The following FRMD5 variants were observed in gnomAD, a reference collection of about 807,000 sequenced individuals.
FRMD5 encodes the protein FERM domain-containing protein 5.
In FRMD5, 20 loss-of-function variants were observed where a neutral mutation model predicts 69.0. The ratio of observed to expected loss-of-function variants is 0.29; its 90% CI spans 0.20 to 0.42. The LOEUF (loss-of-function observed/expected upper bound fraction) is 0.42. Ranked by LOEUF, FRMD5 falls within the 10% of genes least tolerant of loss-of-function variation. The pLI, the probability that FRMD5 is intolerant of heterozygous loss-of-function variation, is 1.00. For synonymous variants in FRMD5, 271 were observed against 260.1 expected (o/e 1.04, Z -0.40); for missense variants, 595 against 708.6 (o/e 0.84, Z 1.82).
Position 43,949,232 on chromosome 15 carries a change from C to A in FRMD5, c.103-24923G>T, listed in dbSNP as rs192531226. Among the ~76,000 whole-genome samples, 41 of 152,332 alleles carry A rather than the reference C, an allele frequency of 2.7e-4. No individual in the cohort carries two copies. In the East Asian group the frequency reaches 5.6e-3, roughly 21 times the overall value. On this transcript the variant is annotated intron_variant, in intron 1 of 13. Transcript: ENST00000417257. The stretch of plus-strand genomic sequence containing the variant: ...AAGCCCCTGCAAGGTTCCCTGACAT[C>A]CCTAGCAGTAACTGTGAGCTTCTTA...
At chr15:43,990,208 C>T (rs574502385) in intron 1 of FRMD5, 50 of 454,418 alleles carry the variant, frequency 1.1e-4, no homozygotes, top group East Asian at 1.0e-3. Flanking sequence ...CGGGTGTGGA[C>T]GGGTGGCAGA....
chr15:44,096,206 C>CAAAAAAA (rs1213347011), intron 1 of FRMD5, among the ~76,000 whole-genome samples: 1 of 47,898 alleles, frequency 2.1e-5, no homozygotes, highest in Non-Finnish European at 4.1e-5. Flanking sequence ...AACTCCATCT[C>CAAAAAAA]AAAAAAAAAA....
At chr15:44,156,946 A>T (rs912291906) in intron 1 of FRMD5, among the ~76,000 whole-genome samples, 1 of 152,180 alleles carries the variant, frequency 6.6e-6, no homozygotes, top group Non-Finnish European at 1.5e-5. Flanking sequence ...CCCCTTCTAG[A>T]TACATAAGAA....
intron 8 of FRMD5, among the ~76,000 whole-genome samples, chr15:43,891,411 A>G (rs2088790216): frequency 2.0e-5 from 3 of 152,256 alleles, no homozygotes. Flanking sequence ...GAAGCTGAGG[A>G]CACTTAAATG....
rs145688448 is a variant in FRMD5 at position 43,992,411 on chromosome 15, C to T, written c.103-68102G>A. ...TTTATTTTTTTGAGATGGAGTCTTG[C>T]TCTGTTGCCCAGGCTGGAGAGCCGT... On this transcript the variant is annotated intron_variant, in intron 1 of 13. Transcript: ENST00000417257. Among the ~76,000 whole-genome samples, 736 of 149,342 alleles carry T rather than the reference C, an allele frequency of 4.9e-3. 12 individuals are homozygous for T. The highest frequency in any genetic ancestry group is 0.017 in the African/African-American group (705 of 40,466).
chr15:44,044,172 G>A (rs1449436627), intron 1 of FRMD5, among the ~76,000 whole-genome samples: 2 of 152,162 alleles, frequency 1.3e-5, no homozygotes, highest in Non-Finnish European at 2.9e-5. Flanking sequence ...ATGAAAAAAA[G>A]CTCATCATCA....
At chr15:44,085,388 C>T (rs1217458185) in intron 1 of FRMD5, among the ~76,000 whole-genome samples, 1 of 152,094 alleles carries the variant, frequency 6.6e-6, no homozygotes, top group African/African-American at 2.4e-5. Context: ...CTCAAAGAAA[C>T]TTCAGAATAA....
intron 1 of FRMD5, among the ~76,000 whole-genome samples, chr15:44,071,170 C>T (rs1052238119): frequency 6.6e-6 from 1 of 152,178 alleles, no homozygotes; most frequent in Admixed American, 6.5e-5. Flanking sequence ...CCCAGTTATT[C>T]TGATTCATCC....
chr15:43,902,275 A>T lies in FRMD5; in HGVS notation c.552-13T>A, dbSNP rs1555381231. On this transcript the variant is annotated splice_polypyrimidine_tract_variant and intron_variant, in intron 6 of 13. Transcript: ENST00000417257. ...TGGTGTTTGACCACTGGAATAAAGA[A>T]GATGAGATGATTTCAAGGTGTCTTG... 3 of 1,605,960 alleles carry T rather than the reference A, an allele frequency of 1.9e-6. No individual in the cohort carries two copies. Among genetic ancestry groups the T allele is most frequent in the South Asian group, 2.2e-5 (2 of 90,882 alleles).
At chr15:44,114,560 T>A in intron 1 of FRMD5, among the ~76,000 whole-genome samples, 1 of 152,224 alleles carries the variant, frequency 6.6e-6, no homozygotes, top group East Asian at 1.9e-4. Context: ...ATTTTTATTG[T>A]GAAGGCACTT....
chr15:43,911,518 A>T (rs1257367542), intron 4 of FRMD5, among the ~76,000 whole-genome samples: 1 of 152,218 alleles, frequency 6.6e-6, no homozygotes, highest in African/African-American at 2.4e-5. Flanking sequence ...CCCCACCTCC[A>T]GTCAAGCCTG....
chr15:44,010,335 T>G (rs1890654938), intron 1 of FRMD5, among the ~76,000 whole-genome samples: 1 of 152,102 alleles, frequency 6.6e-6, no homozygotes, highest in Admixed American at 6.6e-5. Flanking sequence ...TCTCTAGGAT[T>G]ACAGTGATGA....
At chr15:43,971,165 G>A (rs552598839) in intron 1 of FRMD5, among the ~76,000 whole-genome samples, 2 of 151,068 alleles carry the variant, frequency 1.3e-5, no homozygotes, top group African/African-American at 2.4e-5. Flanking sequence ...ACTTGAACCC[G>A]GGAGGTGGAG....
At chr15:43,944,307 C>T (rs1227246263) in intron 1 of FRMD5, among the ~76,000 whole-genome samples, 1 of 152,204 alleles carries the variant, frequency 6.6e-6, no homozygotes, top group Non-Finnish European at 1.5e-5. Context: ...CTAAGAAAGC[C>T]ACCAGTTCCA....
At position 43,952,493 on chromosome 15, in the gene FRMD5, G is replaced by A. The variant is rs185359003; in HGVS notation, c.103-28184C>T. Among the ~76,000 whole-genome samples, 1,026 of 152,314 alleles carry A rather than the reference G, an allele frequency of 6.7e-3. 17 individuals are homozygous for A. Among genetic ancestry groups the A allele is most frequent in the African/African-American group, 0.023 (975 of 41,566 alleles). On this transcript the variant is annotated intron_variant, in intron 1 of 13. Transcript: ENST00000417257. ...GGTATTGCAAACCAATAACACCTCAGCAGCCAGTCTCTTTCCATGCGCTGC... is the reference window on the plus strand; with the variant it reads ...GGTATTGCAAACCAATAACACCTCAACAGCCAGTCTCTTTCCATGCGCTGC...
chr15:44,164,925 G>A (rs1271813437), intron 1 of FRMD5, among the ~76,000 whole-genome samples: 12 of 152,220 alleles, frequency 7.9e-5, no homozygotes, highest in Non-Finnish European at 1.8e-4. Flanking sequence ...AGTAGAGCAA[G>A]CTGGAGCATC....
At chr15:44,033,523 T>A (rs985333001) in intron 1 of FRMD5, among the ~76,000 whole-genome samples, 2 of 152,250 alleles carry the variant, frequency 1.3e-5, no homozygotes, top group African/African-American at 4.8e-5. Context: ...AACTTAATAT[T>A]TTCATATATA....
At chr15:44,154,652 A>C (rs1398063070) in intron 1 of FRMD5, among the ~76,000 whole-genome samples, 1 of 152,220 alleles carries the variant, frequency 6.6e-6, no homozygotes, top group Admixed American at 6.5e-5. Context: ...TAAAACCTTT[A>C]TTGCAACTAT....
chr15:44,084,608 C>T (rs1894120082), intron 1 of FRMD5, among the ~76,000 whole-genome samples: 1 of 152,052 alleles, frequency 6.6e-6, no homozygotes, highest in South Asian at 2.1e-4. Context: ...GTATATTATC[C>T]ACATGATAGA....
Sources: allele counts gnomAD v4.1 joint callset (sites outside exome capture counted in the v4.1 genomes callset), GRCh38; gene constraint gnomAD v4.1.1; transcripts MANE v1.5; gene names NCBI Gene and HGNC (gene_info 2026-07-23, HGNC 2026-07-21).